MRE11: variants seen among roughly 807,000 people sequenced by gnomAD.
MRE11 encodes MRE11 double strand break repair nuclease.
Under a neutral mutation model 91.7 loss-of-function variants are expected in MRE11, and 62 were observed. The observed-to-expected ratio is 0.68, with a 90% confidence interval of 0.55 to 0.84. The LOEUF (loss-of-function observed/expected upper bound fraction) is 0.84. MRE11 is among the 40% of genes least tolerant of loss of function. The pLI is 0.00. For missense variants in MRE11, 796 were observed against 852.9 expected, an observed-to-expected ratio of 0.93 and a Z score of 0.83; for synonymous variants, 273 against 271.4, an observed-to-expected ratio of 1.01 and a Z score of -0.06.
chr11:94,487,392 C>T (rs1317878427), intron 3 of MRE11, among the ~76,000 whole-genome samples: 1 of 152,116 alleles, frequency 6.6e-6, no homozygotes, highest in Non-Finnish European at 1.5e-5. Context: ...AGAATCTGAA[C>T]CTAATCATGA....
At position 94,437,244 on chromosome 11, in the gene MRE11, A is replaced by G; in HGVS notation, c.1868-9T>C. ...TCTTGTAGATTTAAAGGCTAGAATG[A>G]AAAAGATGAAATGTGCATTATGTTA... On this transcript the variant is annotated splice_polypyrimidine_tract_variant and intron_variant, in intron 16 of 19. Coordinates refer to ENST00000323929, the MANE Select transcript of MRE11 (RefSeq NM_005591.4). 6.2e-7 allele frequency: 1 copy of G among 1,611,306 alleles called. No homozygotes were observed. The highest frequency in any genetic ancestry group is 8.5e-7 in the Non-Finnish European group (1 of 1,178,340).
chr11:94,488,880 C>G (rs1243650731), intron 3 of MRE11, among the ~76,000 whole-genome samples: 2 of 152,088 alleles, frequency 1.3e-5, no homozygotes, highest in Non-Finnish European at 2.9e-5. Context: ...ATCTGTACAA[C>G]AATCCCTGTC....
chr11:94,461,182 G>A, intron 11 of MRE11, 146 bp from the exon 12 acceptor site: 1 of 661,606 alleles, frequency 1.5e-6, no homozygotes, highest in Non-Finnish European at 2.6e-6. Context: ...GGCAAAACAA[G>A]CCATTTTTGT....
the MRE11 span, among the ~76,000 whole-genome samples, chr11:94,501,415 C>T: frequency 0.58 from 88,277 of 151,942 alleles, 25,748 homozygotes; most frequent in African/African-American, 0.61. Context: ...AAAATCCTAG[C>T]AGTTGAAAAT....
In MRE11 at chr11:94,459,439, A is replaced by G; in HGVS notation, c.1469T>C (p.Ile490Thr). The G allele has an allele frequency of 1.2e-6, 2 of 1,614,032 alleles. No individual in the cohort carries two copies. Among genetic ancestry groups the G allele is most frequent in the Non-Finnish European group, 1.7e-6 (2 of 1,179,928 alleles). Reference protein sequence around the residue: ...KTQRFLKERHIDALEDKIDEE... With the variant: ...KTQRFLKERHTDALEDKIDEE... ...ATCGATTTTGTCTTCGAGGGCATCA[A>G]TATGACGTTCTTTAAGAAATCGCTG... Residue 490 changes from isoleucine (I) to threonine (T), a missense_variant, in exon 13 of 20, where the codon ATT (isoleucine) becomes ACT (threonine). Ile to Thr is a moderately conservative substitution (Grantham distance 89). Transcript: ENST00000323929.
intron 14 of MRE11, among the ~76,000 whole-genome samples, chr11:94,455,694 A>G (rs1318603701): frequency 1.3e-5 from 2 of 152,160 alleles, no homozygotes; most frequent in Admixed American, 6.5e-5. Flanking sequence ...GAAATTGTCT[A>G]TTTGCCCATG....
At chr11:94,493,041 C>G in intron 1 of MRE11, 135 bp from the exon 2 acceptor site, 1 of 558,754 alleles carries the variant, frequency 1.8e-6, no homozygotes, top group Middle Eastern at 4.7e-4. Context: ...CATCTAAGCA[C>G]CCACTATACT....
rs147383852 is a variant in MRE11, at chr11:94,471,584, C to T, written c.835G>A (p.Ala279Thr). The T allele has an allele frequency of 1.2e-6, 2 of 1,612,382 alleles. No homozygotes were observed. Among genetic ancestry groups the T allele is most frequent in the African/African-American group, 2.7e-5 (2 of 74,946 alleles). Residue 279 changes from alanine to threonine, a missense_variant, in exon 8 of 20, where the codon GCT (alanine) becomes ACT (threonine). Coordinates refer to ENST00000323929, the MANE Select transcript of MRE11 (RefSeq NM_005591.4). ...SVVTSLSPGE[A>T]VKKHVGLLRI... ...ATATATAACACTCACTTCTTTACAG[C>T]TTCTCCTGGGGAAAGAGAAGTAACC...
At chr11:94,431,001 C>G (rs530392748) in intron 18 of MRE11, among the ~76,000 whole-genome samples, 2 of 152,044 alleles carry the variant, frequency 1.3e-5, no homozygotes, top group Non-Finnish European at 2.9e-5. Flanking sequence ...CTTGACCTGC[C>G]GAGCCTAAAA....
At chr11:94,508,956 T>A in the MRE11 span, among the ~76,000 whole-genome samples, 760 of 152,204 alleles carry the variant, frequency 5.0e-3, 7 homozygotes, top group African/African-American at 0.017. Flanking sequence ...GAGACGGGGT[T>A]TCACCATGTT....
At chr11:94,468,626 C>T (rs1319828329) in intron 9 of MRE11, among the ~76,000 whole-genome samples, 2 of 152,090 alleles carry the variant, frequency 1.3e-5, no homozygotes, top group Non-Finnish European at 2.9e-5. Context: ...GTGTTTTTGT[C>T]CTCAGATTTC....
rs148244280 is a variant in MRE11, at chr11:94,457,651, A to G, written c.1501-1313T>C. On this transcript the variant is annotated intron_variant, in intron 13 of 19. Transcript: ENST00000323929. Reference sequence around the variant, plus strand: ...GAACAGGCACTATGTGTCAGACAGTATTCTAAGGATTTTACATGGATTAAT... The same window carrying G: ...GAACAGGCACTATGTGTCAGACAGTGTTCTAAGGATTTTACATGGATTAAT... Among the ~76,000 whole-genome samples, 49 of 152,268 alleles carry G rather than the reference A, an allele frequency of 3.2e-4. No homozygotes were observed. The East Asian group carries it at 8.5e-3, about 26-fold the overall frequency.
At chr11:94,460,006 G>T (rs1946373751) in intron 12 of MRE11, among the ~76,000 whole-genome samples, 1 of 152,132 alleles carries the variant, frequency 6.6e-6, no homozygotes, top group Non-Finnish European at 1.5e-5. Context: ...TAATCATAAG[G>T]GTCCTGAAAA....
upstream of MRE11, chr11:94,497,414 C>G (rs2135161881): frequency 1.0e-5 from 2 of 195,268 alleles, no homozygotes; most frequent in East Asian, 2.5e-4. Flanking sequence ...CTCTGCTTGG[C>G]CACTTCCACC....
chr11:94,442,600 A>G (rs751533764), intron 16 of MRE11, among the ~76,000 whole-genome samples: 4 of 152,214 alleles, frequency 2.6e-5, no homozygotes, highest in Non-Finnish European at 5.9e-5. Context: ...GTGGTTTAAC[A>G]TGGAAGTGTT....
intron 10 of MRE11, among the ~76,000 whole-genome samples, chr11:94,466,940 G>A (rs1946580516): frequency 6.6e-6 from 1 of 152,152 alleles, no homozygotes; most frequent in South Asian, 2.1e-4. Flanking sequence ...CATTAAAGCT[G>A]TATGCCTACA....
chr11:94,439,519 G>A (rs1026317198), intron 16 of MRE11, among the ~76,000 whole-genome samples: 15 of 152,138 alleles, frequency 9.9e-5, no homozygotes, highest in African/African-American at 3.1e-4. Context: ...ATCATCTGTC[G>A]CATTTTTACC....
At position 94,445,738 on chromosome 11, in the gene MRE11, G is replaced by T. The variant is rs201208681; in HGVS notation, c.1867+72C>A. The T allele has an allele frequency of 1.7e-4, 181 of 1,065,932 alleles. 1 individual carries two copies. The East Asian group carries it at 4.0e-3, about 24-fold the overall frequency. 66.0% of individuals were successfully genotyped at this position (1,065,932 alleles called of 1,614,324 possible). On this transcript the variant is annotated intron_variant, in intron 16 of 19. Coordinates refer to ENST00000323929, the MANE Select transcript of MRE11 (RefSeq NM_005591.4). ...CCCAATGATTGCAACACAAATAAGG[G>T]CTACCAATGGTGATTACCTTGGTCT...
chr11:94,447,585 T>A (rs1945972834), intron 14 of MRE11, 147 bp from the exon 15 acceptor site: 1 of 818,080 alleles, frequency 1.2e-6, no homozygotes, highest in South Asian at 1.5e-5. Flanking sequence ...TCTCAGCACT[T>A]TGGGAGGCCG....
Sources: gnomAD v4.1 joint callset for allele counts (sites outside exome capture counted in the v4.1 genomes callset) on GRCh38, gnomAD v4.1.1 for gene constraint, MANE v1.5 for transcripts, NCBI Gene and HGNC (gene_info 2026-07-23, HGNC 2026-07-21) for gene names.